TMC2: variants seen among roughly 807,000 people sequenced by gnomAD.
The protein encoded by TMC2 is transmembrane channel like 2.
In TMC2, 102 loss-of-function variants were observed where a neutral mutation model predicts 105.9. The observed-to-expected ratio is 0.96, with a 90% CI of 0.82 to 1.14. TMC2 has a LOEUF of 1.14. Ranked by LOEUF, TMC2 falls within the 50% of genes most tolerant of loss-of-function variation. TMC2 has a pLI of 0.00. For synonymous variants in TMC2, 402 were observed against 422.8 expected, an observed-to-expected ratio of 0.95 and a Z score of 0.60; for missense variants, 1,093 against 1,134.3, an observed-to-expected ratio of 0.96 and a Z score of 0.52.
intron 11 of TMC2, among the ~76,000 whole-genome samples, chr20:2,603,147 A>G (rs2081050700): frequency 6.6e-6 from 1 of 152,078 alleles, no homozygotes; most frequent in African/African-American, 2.4e-5. Context: ...TAGCCAGTAA[A>G]CCACCAGATA....
chr20:2,632,406 G>A (rs1324183948), intron 17 of TMC2, among the ~76,000 whole-genome samples: 1 of 151,878 alleles, frequency 6.6e-6, no homozygotes, highest in Non-Finnish European at 1.5e-5. Flanking sequence ...CTTTAGAAAT[G>A]GTTTTGTATC....
At chr20:2,589,618 T>C (rs2086255139) in intron 7 of TMC2, among the ~76,000 whole-genome samples, 1 of 152,106 alleles carries the variant, frequency 6.6e-6, no homozygotes, top group South Asian at 2.1e-4. Context: ...TTGTTCTCAG[T>C]GAAAGAGTTT....
chr20:2,624,557 G>A (rs1288400530), intron 17 of TMC2, among the ~76,000 whole-genome samples, 161 bp downstream of exon 17: 6 of 152,198 alleles, frequency 3.9e-5, no homozygotes, highest in African/African-American at 1.2e-4. Flanking sequence ...GGGAGGGGGT[G>A]AGGACTTGAG....
chr20:2,549,129 T>G (rs931880572), intron 2 of TMC2, among the ~76,000 whole-genome samples: 1 of 152,202 alleles, frequency 6.6e-6, no homozygotes, highest in Admixed American at 6.5e-5. Context: ...CAGGCTGGAG[T>G]GCACTGGTGC....
At chr20:2,598,406 A>C (rs149335328) in intron 10 of TMC2, among the ~76,000 whole-genome samples, 4,315 of 150,194 alleles carry the variant, frequency 0.029, 212 homozygotes, top group African/African-American at 0.098. Context: ...TTATTTATTT[A>C]TTTATTTATT....
intron 11 of TMC2, among the ~76,000 whole-genome samples, chr20:2,604,849 A>G (rs1387279125): frequency 1.3e-5 from 2 of 152,200 alleles, no homozygotes; most frequent in African/African-American, 4.8e-5. Flanking sequence ...CCCCTTGCCC[A>G]TACCTTACCC....
chr20:2,571,488 A>G (rs1228626456), intron 4 of TMC2, among the ~76,000 whole-genome samples: 1 of 152,228 alleles, frequency 6.6e-6, no homozygotes, highest in Non-Finnish European at 1.5e-5. Context: ...ATTATTAAAA[A>G]GTCAAAACCT....
chr20:2,639,347 G>T (rs116344468), intron 19 of TMC2, among the ~76,000 whole-genome samples: 3,452 of 152,230 alleles, frequency 0.023, 129 homozygotes, highest in African/African-American at 0.076. Context: ...CTCCACTCAT[G>T]GTCAGTGCCC....
At chr20:2,537,247 T>C in intron 1 of TMC2, 22 bp from the exon 2 acceptor site, 1 of 1,593,664 alleles carries the variant, frequency 6.3e-7, no homozygotes, top group Non-Finnish European at 8.5e-7. Flanking sequence ...CAGCCATTTG[T>C]CAGCAATCCT....
chr20:2,569,705 A>C (rs961486551), intron 4 of TMC2, among the ~76,000 whole-genome samples: 3 of 152,240 alleles, frequency 2.0e-5, no homozygotes, highest in Non-Finnish European at 2.9e-5. Flanking sequence ...TCTGTAGGTC[A>C]GAAGTCCAGC....
chr20:2,602,711 CTT>C (rs1468352170), intron 11 of TMC2, among the ~76,000 whole-genome samples: 1 of 152,210 alleles, frequency 6.6e-6, no homozygotes, highest in Admixed American at 6.5e-5. Flanking sequence ...TACACTATGT[CTT>C]AATATCTGAT....
intron 19 of TMC2, among the ~76,000 whole-genome samples, chr20:2,639,397 C>A (rs2086672390): frequency 6.6e-6 from 1 of 152,158 alleles, no homozygotes; most frequent in Non-Finnish European, 1.5e-5. Flanking sequence ...TATACTCTAC[C>A]TTTTCTATGT....
chr20:2,561,707 T>A, intron 3 of TMC2, 151 bp from the exon 4 acceptor site: 1 of 901,726 alleles, frequency 1.1e-6, no homozygotes, highest in Admixed American at 2.8e-5. Flanking sequence ...GGTAGAATTT[T>A]GGCCTCCGCT....
chr20:2,572,202 A>C lies in TMC2; in HGVS notation c.578A>C (p.Lys193Thr). 1 of 1,613,070 alleles carries C rather than the reference A, an allele frequency of 6.2e-7. No individual in the cohort carries two copies. Among genetic ancestry groups the C allele is most frequent in the Middle Eastern group, 1.7e-4 (1 of 6,060 alleles). Residue 193 changes from lysine (K) to threonine (T), a missense_variant, in exon 5 of 20, where the codon AAG (lysine) becomes ACG (threonine). Lys to Thr is a moderately conservative substitution (Grantham distance 78). Coordinates refer to ENST00000358864, the MANE Select transcript of TMC2 (RefSeq NM_080751.3). ...ELREAQEFVE[K>T]YEGALGKGKG... ...AGGGAGGCCCAGGAATTTGTGGAGA[A>C]GTATGAAGGTGCCTTGGGAAAGGGG...
At position 2,612,218 on chromosome 20, in the gene TMC2, A is replaced by T; in HGVS notation, c.1621A>T (p.Ile541Phe). 1 of 1,610,520 alleles carries T rather than the reference A, an allele frequency of 6.2e-7. No homozygotes were observed. The highest frequency in any genetic ancestry group is 8.5e-7 in the Non-Finnish European group (1 of 1,178,060). The change falls in exon 13 of 20, where the codon ATC becomes TTC. Residue 541 changes from isoleucine (I) to phenylalanine (F), a missense_variant. Ile to Phe is a conservative substitution (Grantham distance 21). Transcript: ENST00000358864. ...KLANEETIKN[I>F]THWTLFNYYN... ...TGCTAATGAAGAGACAATAAAGAAC[A>T]TCACTCACTGGACTCTGTTTAACTA... is the stretch of plus-strand genomic sequence containing the variant.
At position 2,537,711 on chromosome 20, in the gene TMC2, G is replaced by C. The variant is rs114298950; in HGVS notation, c.82+395G>C. On this transcript the variant is annotated intron_variant, in intron 2 of 19. Coordinates refer to ENST00000358864, the MANE Select transcript of TMC2 (RefSeq NM_080751.3). Reference sequence around the variant, plus strand: ...CCAAAAAGTAGTAGGCATAATGGGTGCTCCATCACCTTCCCACTGGGAATG... The same window carrying C: ...CCAAAAAGTAGTAGGCATAATGGGTCCTCCATCACCTTCCCACTGGGAATG... Among the ~76,000 whole-genome samples the C allele has an allele frequency of 3.8e-3, 580 of 152,190 alleles. 3 individuals carry two copies. The highest frequency in any genetic ancestry group is 0.013 in the African/African-American group (554 of 41,532).
intron 7 of TMC2, among the ~76,000 whole-genome samples, chr20:2,586,132 A>G (rs902124207): frequency 7.1e-4 from 108 of 152,300 alleles, no homozygotes; most frequent in African/African-American, 2.5e-3. Flanking sequence ...CTGGCATAGC[A>G]TCAGCTCAGA....
At chr20:2,624,125 G>A (rs1036504074) in intron 16 of TMC2, 146 bp from the exon 17 acceptor site, 1 of 887,118 alleles carries the variant, frequency 1.1e-6, no homozygotes, top group Admixed American at 3.0e-5. Flanking sequence ...TTTTTTACTT[G>A]CAGTTCATTT....
At chr20:2,617,037 C>A (rs1295186504) in intron 15 of TMC2, 35 bp from the exon 16 acceptor site, 2 of 1,613,206 alleles carry the variant, frequency 1.2e-6, no homozygotes, top group South Asian at 1.1e-5. Context: ...TCCCTGCTGT[C>A]CAGCCAACCA....
Sources: allele counts gnomAD v4.1 joint callset (sites outside exome capture counted in the v4.1 genomes callset), GRCh38; gene constraint gnomAD v4.1.1; transcripts MANE v1.5; gene names NCBI Gene and HGNC (gene_info 2026-07-23, HGNC 2026-07-21).